The following CSMD1 variants were observed in gnomAD, a reference collection of about 807,000 sequenced individuals.
CSMD1 encodes the protein CUB and Sushi multiple domains 1.
CSMD1 carries 213 observed loss-of-function variants against 417.5 expected under a neutral mutation model. The ratio of observed to expected loss-of-function variants is 0.51; its 90% CI spans 0.46 to 0.57. The LOEUF (loss-of-function observed/expected upper bound fraction) is 0.57, where lower values mean the gene tolerates loss of function less well. Among genes scored for constraint, CSMD1 ranks in the 20% least tolerant of loss-of-function variants. CSMD1 has a pLI of 0.00. For synonymous variants in CSMD1, 2,862 were observed against 1,736.8 expected (o/e 1.65, Z -16.11); for missense variants, 6,923 against 4,529.7 (o/e 1.53, Z -15.17).
At position 3,947,242 on chromosome 8, in the gene CSMD1, C is replaced by T. The variant is rs527264319; in HGVS notation, c.818+50661G>A. 6.6e-5 allele frequency among the ~76,000 whole-genome samples: 10 copies of T among 152,224 alleles called. 1 individual carries two copies. The South Asian group carries it at 8.3e-4, about 13-fold the overall frequency. ...TGAAAAGCTGCATGATAAACAGATG[C>T]TGAATTTTTATCTAATGTTCTTTCC... On this transcript the variant is annotated intron_variant, in intron 5 of 69. Transcript: ENST00000635120.
intron 2 of CSMD1, among the ~76,000 whole-genome samples, chr8:4,625,755 G>C (rs141671798): frequency 1.3e-5 from 2 of 152,010 alleles, no homozygotes; most frequent in Non-Finnish European, 2.9e-5. Flanking sequence ...AAAGAGTCTG[G>C]TTCTGTCGCC....
chr8:3,245,376 C>T (rs1476004907), intron 26 of CSMD1, among the ~76,000 whole-genome samples: 1 of 152,204 alleles, frequency 6.6e-6, no homozygotes. Context: ...ATTCTCCCTG[C>T]AGGAGATAAA....
intron 3 of CSMD1, among the ~76,000 whole-genome samples, chr8:4,103,602 T>A (rs1163736214): frequency 6.6e-6 from 1 of 152,110 alleles, no homozygotes; most frequent in Non-Finnish European, 1.5e-5. Flanking sequence ...ATTCAGATAT[T>A]TTCATGTAAA....
intron 5 of CSMD1, among the ~76,000 whole-genome samples, chr8:3,797,596 T>A (rs549294167): frequency 4.6e-5 from 7 of 151,978 alleles, no homozygotes; most frequent in Non-Finnish European, 8.8e-5. Context: ...TGTTTTATGT[T>A]TCAGCAAGTC....
At position 4,185,561 on chromosome 8, in the gene CSMD1, C is replaced by A. The variant is rs1448869582; in HGVS notation, c.416-153462G>T. ...AAACATGCGCTAATTTTTTAACACA[C>A]AAATGGATCAAAAGTATCCTACCTA... On this transcript the variant is annotated intron_variant, in intron 3 of 69. Coordinates refer to ENST00000635120, the MANE Select transcript of CSMD1 (RefSeq NM_033225.6). Among the ~76,000 whole-genome samples, 3 of 152,162 alleles carry A rather than the reference C, an allele frequency of 2.0e-5. No homozygotes were observed. In the Middle Eastern group the frequency reaches 0.01, roughly 518 times the overall value.
chr8:3,998,090 T>C lies in CSMD1; in HGVS notation c.631A>G (p.Thr211Ala), dbSNP rs1022671634. The C allele has an allele frequency of 1.3e-6, 2 of 1,577,442 alleles. No homozygotes were observed. Among genetic ancestry groups the C allele is most frequent in the African/African-American group, 2.7e-5 (2 of 74,100 alleles). Residue 211 changes from threonine (T) to alanine (A), a missense_variant, in exon 5 of 70, where the codon ACC becomes GCC. By Grantham distance (58) the Thr-to-Ala change is moderately conservative. Coordinates refer to ENST00000635120, the MANE Select transcript of CSMD1 (RefSeq NM_033225.6). ...ATGGAGCTGCTGGTCCCGCGTAAGG[T>C]TCCTCCGCAGGCTCCCTCAGCTGCA... ...FCRAEGACGG[T>A]LRGTSSSISS...
At chr8:3,727,065 A>G (rs1015641736) in intron 6 of CSMD1, among the ~76,000 whole-genome samples, 1 of 152,112 alleles carries the variant, frequency 6.6e-6, no homozygotes, top group Non-Finnish European at 1.5e-5. Context: ...TTTTCTCTCT[A>G]TATAAAGATA....
intron 2 of CSMD1, among the ~76,000 whole-genome samples, chr8:4,475,228 T>C (rs1272471274): frequency 6.6e-6 from 1 of 152,220 alleles, no homozygotes; most frequent in African/African-American, 2.4e-5. Flanking sequence ...TGGCATTCAA[T>C]ACTGTTTATC....
chr8:3,855,452 C>G (rs937567179), intron 5 of CSMD1, among the ~76,000 whole-genome samples: 2 of 152,130 alleles, frequency 1.3e-5, no homozygotes, highest in African/African-American at 2.4e-5. Context: ...ATCAGAAATT[C>G]TATTTTCATG....
At chr8:4,467,195 G>A (rs968056098) in intron 2 of CSMD1, among the ~76,000 whole-genome samples, 2 of 148,540 alleles carry the variant, frequency 1.3e-5, no homozygotes, top group Admixed American at 6.7e-5. Flanking sequence ...AATGTTCAAA[G>A]TCCTTAACAG....
At chr8:3,609,094 T>A (rs1563196270) in intron 8 of CSMD1, among the ~76,000 whole-genome samples, 1 of 152,200 alleles carries the variant, frequency 6.6e-6, no homozygotes, top group Non-Finnish European at 1.5e-5. Context: ...AATAGAAGCT[T>A]TGATATCAGT....
chr8:3,599,670 T>A (rs1178688859), intron 8 of CSMD1, among the ~76,000 whole-genome samples: 1 of 152,218 alleles, frequency 6.6e-6, no homozygotes, highest in Admixed American at 6.5e-5. Context: ...GCTTTATGCC[T>A]TTAACAACAT....
intron 10 of CSMD1, among the ~76,000 whole-genome samples, chr8:3,535,872 G>C (rs1251900491): frequency 6.6e-6 from 1 of 152,130 alleles, no homozygotes; most frequent in Non-Finnish European, 1.5e-5. Context: ...GTTGTAGGTA[G>C]AACTCTAGGC....
chr8:4,208,024 A>T (rs901283803), intron 3 of CSMD1, among the ~76,000 whole-genome samples: 3 of 152,192 alleles, frequency 2.0e-5, no homozygotes, highest in Non-Finnish European at 4.4e-5. Flanking sequence ...GTCCAACAGT[A>T]GGAGAATATG....
chr8:3,566,397 C>T (rs1344302864), intron 10 of CSMD1, among the ~76,000 whole-genome samples: 1 of 151,854 alleles, frequency 6.6e-6, no homozygotes, highest in Non-Finnish European at 1.5e-5. Flanking sequence ...ACGAACGGAC[C>T]CAGGACATAC....
At chr8:4,683,148 T>G (rs974590156) in intron 1 of CSMD1, among the ~76,000 whole-genome samples, 2 of 151,942 alleles carry the variant, frequency 1.3e-5, no homozygotes, top group South Asian at 4.1e-4. Context: ...TGGTCAGTTC[T>G]GATCTGTTAA....
rs530609899 is a variant in CSMD1, at chr8:3,370,859, C to T, written c.2783-1489G>A. 4.6e-5 allele frequency among the ~76,000 whole-genome samples: 7 copies of T among 152,150 alleles called. No individual in the cohort carries two copies. In the South Asian group the frequency reaches 1.0e-3, roughly 23 times the overall value. The stretch of plus-strand genomic sequence containing the variant: ...GGCATAGTGGCAGAAGCCTACAATT[C>T]CAGCTATTCAGAAGGCTGAGGAAGG... On this transcript the variant is annotated intron_variant, in intron 18 of 69. Coordinates refer to ENST00000635120, the MANE Select transcript of CSMD1 (RefSeq NM_033225.6).
At chr8:4,369,443 G>C (rs1802276312) in intron 3 of CSMD1, among the ~76,000 whole-genome samples, 3 of 152,132 alleles carry the variant, frequency 2.0e-5, no homozygotes, top group South Asian at 2.1e-4. Flanking sequence ...GTGTTTTATA[G>C]ATGTCTCTGA....
At chr8:3,826,552 T>C (rs1472376485) in intron 5 of CSMD1, among the ~76,000 whole-genome samples, 3 of 152,120 alleles carry the variant, frequency 2.0e-5, no homozygotes, top group African/African-American at 7.2e-5. Context: ...CCGGCTGATA[T>C]GAGCGCCTCT....
Sources: gnomAD v4.1 joint callset for allele counts (sites outside exome capture counted in the v4.1 genomes callset) on GRCh38, gnomAD v4.1.1 for gene constraint, MANE v1.5 for transcripts, NCBI Gene and HGNC (gene_info 2026-07-23, HGNC 2026-07-21) for gene names.